KEL: variants seen among roughly 807,000 people sequenced by gnomAD.
The protein encoded by KEL is kell blood group glycoprotein.
Under a neutral mutation model 99.5 loss-of-function variants are expected in KEL, and 96 were observed. The ratio of observed to expected loss-of-function variants is 0.97; its 90% CI spans 0.82 to 1.14. The LOEUF is 1.14. KEL is among the 50% of genes most tolerant of loss of function. The probability of loss-of-function intolerance (pLI) is 0.00; values close to 1 mark genes in which losing one functional copy is unlikely to be tolerated. For synonymous variants in KEL, 355 were observed against 354.8 expected, an observed-to-expected ratio of 1.00 and a Z score of -0.01; for missense variants, 926 against 924.2, an observed-to-expected ratio of 1.00 and a Z score of -0.03.
intron 11 of KEL, 93 bp from the exon 12 acceptor site, chr7:142,944,834 G>A: frequency 1.0e-6 from 1 of 998,588 alleles, no homozygotes. Flanking sequence ...AAAAGGGCTT[G>A]GCCCCAAGGA....
intron 6 of KEL, among the ~76,000 whole-genome samples, chr7:142,955,682 T>C (rs1796813668): frequency 6.6e-6 from 1 of 152,148 alleles, no homozygotes; most frequent in African/African-American, 2.4e-5. Flanking sequence ...CTTTCCCTTT[T>C]CTTCTCCAAT....
rs540229829 is a variant in KEL at position 142,957,707 on chromosome 7, T to C, written c.672+120A>G. The C allele has an allele frequency of 8.8e-6, 11 of 1,257,094 alleles. No homozygotes were observed. In the South Asian group the frequency reaches 1.1e-4, roughly 13 times the overall value. The allele number at this position is 1,257,094 out of a possible 1,614,324, so 77.9% of individuals were successfully genotyped here. A position where few individuals can be genotyped will look rare whatever the true frequency, so the allele number is the denominator to read the frequency against. On this transcript the variant is annotated intron_variant, in intron 6 of 18. Transcript: ENST00000355265. ...TCAATAATTTTCCCTTAAGGTAGGGTTGTTTCCTATATCACACAGGTGTCC... is the reference window on the plus strand; with the variant it reads ...TCAATAATTTTCCCTTAAGGTAGGGCTGTTTCCTATATCACACAGGTGTCC...
In KEL at chr7:142,962,209, G is replaced by A. The variant is rs759300948; in HGVS notation, c.-3C>T. ...GACTCCAAAAGGGGACTTACCATCT[G>A]TCTATCTTCTGTGGCTCCAGAATCC... On this transcript the variant is annotated 5_prime_UTR_variant, in exon 1 of 19. Coordinates refer to ENST00000355265, the MANE Select transcript of KEL (RefSeq NM_000420.3). 6 of 1,613,982 alleles carry A rather than the reference G, an allele frequency of 3.7e-6. No individual in the cohort carries two copies. The highest frequency in any genetic ancestry group is 5.1e-6 in the Non-Finnish European group (6 of 1,179,996).
chr7:142,944,594 C>T (rs1157668762), intron 12 of KEL, 49 bp downstream of exon 12: 1 of 1,477,322 alleles, frequency 6.8e-7, no homozygotes. Context: ...TGTTCCAATA[C>T]TCCATTCCCT....
chr7:142,944,122 C>T (rs150567325), intron 13 of KEL, among the ~76,000 whole-genome samples: 8 of 152,242 alleles, frequency 5.3e-5, no homozygotes, highest in Non-Finnish European at 8.8e-5. Flanking sequence ...TTGGCACATG[C>T]GTTGGGACCT....
chr7:142,945,024 A>G, intron 11 of KEL: 1 of 519,372 alleles, frequency 1.9e-6, no homozygotes, highest in Non-Finnish European at 3.5e-6. Flanking sequence ...GGAGAAAGAC[A>G]GTGTCCTCAC....
chr7:142,943,025 G>A lies in KEL; in HGVS notation c.1791C>T (p.Leu597=), dbSNP rs375062353. Residue 597 remains leucine, a synonymous_variant, in exon 17 of 19, where the codon CTC becomes CTT. Coordinates refer to ENST00000355265, the MANE Select transcript of KEL (RefSeq NM_000420.3). ...FYQLLLPGGC[L]ACDNHALQEA... ...CCTGGAGGGCATGGTTGTCACAGGC[G>A]AGGCAGCCCCCAGGCAGTACTGTTG... The A allele has an allele frequency of 2.5e-6, 4 of 1,614,012 alleles. No individual in the cohort carries two copies. The highest frequency in any genetic ancestry group is 4.5e-5 in the East Asian group (2 of 44,898).
chr7:142,946,597 T>G, intron 10 of KEL: 1 of 497,730 alleles, frequency 2.0e-6, no homozygotes, highest in South Asian at 2.6e-5. Flanking sequence ...ATCCTGGGGT[T>G]TCAAAAGCCT....
chr7:142,943,184 C>T (rs1362943188), intron 16 of KEL, 92 bp downstream of exon 16: 10 of 1,558,640 alleles, frequency 6.4e-6, no homozygotes, highest in Non-Finnish European at 8.8e-6. Context: ...ACCTCAAACC[C>T]TCAAATAACC....
intron 15 of KEL, 56 bp from the exon 16 acceptor site, chr7:142,943,399 A>G (rs1796420995): frequency 1.1e-5 from 17 of 1,610,464 alleles, no homozygotes; most frequent in Non-Finnish European, 1.2e-5. Flanking sequence ...TGTGACCCCA[A>G]TTCTCCAACC....
In KEL at chr7:142,961,457, C is replaced by T; in HGVS notation, c.126G>A (p.Trp42Ter). 6.2e-7 allele frequency: 1 copy of T among 1,611,302 alleles called. No individual in the cohort carries two copies. The highest frequency in any genetic ancestry group is 8.5e-7 in the Non-Finnish European group (1 of 1,178,834). The stretch of plus-strand genomic sequence containing the variant: ...CTGTCAGCACCCGCCTGGCCACTGC[C>T]CATGGCCTGCTCCCTTCCACGGGCA... Reference protein sequence around the residue: ...ERLPVEGSRPWAVARRVLTAI... With the variant: ...ERLPVEGSRP The change falls in exon 3 of 19, where the codon TGG becomes TGA. Residue 42 changes from tryptophan to a stop codon, truncating the protein, a stop_gained. Transcript: ENST00000355265. LOFTEE classifies it high-confidence loss of function.
At chr7:142,941,547 T>C (rs954626452) in intron 18 of KEL, 134 bp from the exon 19 acceptor site, 5 of 752,606 alleles carry the variant, frequency 6.6e-6, no homozygotes, top group Non-Finnish European at 2.1e-6. Flanking sequence ...CATGGAGCAT[T>C]TGAAATGTAT....
intron 6 of KEL, among the ~76,000 whole-genome samples, chr7:142,957,229 G>A (rs528059092): frequency 1.8e-4 from 28 of 152,324 alleles, no homozygotes; most frequent in African/African-American, 6.0e-4. Flanking sequence ...TCAGTGTGGG[G>A]GATGGTTGCA....
At chr7:142,948,406 C>T (rs1331672530) in intron 10 of KEL, among the ~76,000 whole-genome samples, 2 of 152,092 alleles carry the variant, frequency 1.3e-5, no homozygotes, top group African/African-American at 4.8e-5. Context: ...GTTCCATATA[C>T]AACCTCAGAA....
intron 10 of KEL, among the ~76,000 whole-genome samples, chr7:142,949,617 C>T (rs1796623665): frequency 6.6e-6 from 1 of 152,110 alleles, no homozygotes; most frequent in Non-Finnish European, 1.5e-5. Context: ...TGGAGAAGTA[C>T]CTGAAGTACA....
chr7:142,944,818 C>T, intron 11 of KEL, 77 bp from the exon 12 acceptor site: 1 of 1,211,646 alleles, frequency 8.3e-7, no homozygotes, highest in African/African-American at 1.5e-5. Flanking sequence ...AGCTTCTGAC[C>T]CTTGGAAAAG....
Position 142,953,962 on chromosome 7 carries a change from AG to A in KEL, c.925-7del. 1 of 1,613,720 alleles carries A rather than the reference AG, an allele frequency of 6.2e-7. No individual in the cohort carries two copies. Among genetic ancestry groups the A allele is most frequent in the South Asian group, 1.1e-5 (1 of 91,072 alleles). On this transcript the variant is annotated splice_polypyrimidine_tract_variant and splice_region_variant and intron_variant, in intron 8 of 18. Transcript: ENST00000355265. ...TCGATGGCGGGGGCCATTTCCTTAG[AG>A]GAGGGACACAAAGCTGAGGGGGAAA...
In KEL at chr7:142,953,834, C is replaced by T; in HGVS notation, c.1047G>A (p.Leu349=). 1.2e-6 allele frequency: 2 copies of T among 1,614,204 alleles called. No homozygotes were observed. Among genetic ancestry groups the T allele is most frequent in the Non-Finnish European group, 1.7e-6 (2 of 1,180,046 alleles). ...DVEYLKNMSQ[L]VEEMLLKQRD... ...TCTGCTTTAGCAGCATCTCCTCCAC[C>T]AGTTGTGACATGTTTTTCAAATATT... Residue 349 remains leucine, a synonymous_variant, in exon 9 of 19, where the codon CTG becomes CTA. Transcript: ENST00000355265.
At position 142,943,570 on chromosome 7, in the gene KEL, T is replaced by C. The variant is rs771553067; in HGVS notation, c.1619A>G (p.Asn540Ser). 9.9e-6 allele frequency: 16 copies of C among 1,613,922 alleles called. No homozygotes were observed. The highest frequency in any genetic ancestry group is 2.7e-5 in the African/African-American group (2 of 74,914). ...ATGGTCAGATACCGAATAGTAAGCATTGACGTCCCAAGGGGACACCTTCCA... is the reference window on the plus strand; with the variant it reads ...ATGGTCAGATACCGAATAGTAAGCACTGACGTCCCAAGGGGACACCTTCCA... ...HRWKVSPWDV[N>S]AYYSVSDHVV... The change falls in exon 15 of 19, where the codon AAT becomes AGT. Residue 540 changes from asparagine (N) to serine (S), a missense_variant. Physicochemically the swap from Asn to Ser is conservative, Grantham distance 46. Coordinates refer to ENST00000355265, the MANE Select transcript of KEL (RefSeq NM_000420.3).
Sources: gnomAD v4.1 joint callset for allele counts (sites outside exome capture counted in the v4.1 genomes callset) on GRCh38, gnomAD v4.1.1 for gene constraint, MANE v1.5 for transcripts, NCBI Gene and HGNC (gene_info 2026-07-23, HGNC 2026-07-21) for gene names.